The following MDN1 variants were observed in gnomAD, a reference collection of about 807,000 sequenced individuals.
MDN1 encodes midasin.
Under a neutral mutation model 669.2 loss-of-function variants are expected in MDN1, and 266 were observed. The observed-to-expected ratio is 0.40, with a 90% confidence interval of 0.36 to 0.44. The LOEUF (loss-of-function observed/expected upper bound fraction) is 0.44. MDN1 is among the 20% of genes least tolerant of loss of function. The pLI is 1.00. For missense variants in MDN1, 5,940 were observed against 6,754.0 expected (o/e 0.88, Z 4.22); for synonymous variants, 2,385 against 2,457.1 (o/e 0.97, Z 0.87).
At position 89,714,582 on chromosome 6, in the gene MDN1, G is replaced by GGAT; in HGVS notation, c.7027_7029dup (p.Ile2343dup). On this transcript the variant is annotated inframe_insertion, in exon 46 of 102. Coordinates refer to ENST00000369393, the MANE Select transcript of MDN1 (RefSeq NM_014611.3). The stretch of plus-strand genomic sequence containing the variant: ...CGGGTCTCTGTGTGTAAAGCCAAGA[G>GGAT]GATGTCACATACACTGTTCCCCACC... 1 of 1,613,686 alleles carries GGAT rather than the reference G, an allele frequency of 6.2e-7. No individual in the cohort carries two copies.
chr6:89,711,340 T>TA (rs1184005432), intron 49 of MDN1, among the ~76,000 whole-genome samples: 1 of 151,852 alleles, frequency 6.6e-6, no homozygotes, highest in Non-Finnish European at 1.5e-5. Flanking sequence ...TTCAAAAATT[T>TA]AAAAAAACAA....
chr6:89,672,262 T>C lies in MDN1; in HGVS notation c.13732A>G (p.Ile4578Val), dbSNP rs1242435956. ...TLHVQKIISAISELLERLKSY... is the reference protein window; with the variant it reads ...TLHVQKIISAVSELLERLKSY... ...TTCAGCCTCTCCAACAGCTCGGAGA[T>C]GGCAGAAATTATTTTCTGCACGTGC... is the stretch of plus-strand genomic sequence containing the variant. The change falls in exon 82 of 102, where the codon ATC becomes GTC. Residue 4578 changes from isoleucine to valine, a missense_variant. By Grantham distance (29) the Ile-to-Val change is conservative. Around this residue, in one of 5 missense-constraint regions of MDN1, gnomAD observed 2,280 missense variants for 2,576.3 expected, o/e 0.88. Transcript: ENST00000369393. The C allele has an allele frequency of 1.2e-6, 2 of 1,612,048 alleles. No individual in the cohort carries two copies. The highest frequency in any genetic ancestry group is 8.5e-7 in the Non-Finnish European group (1 of 1,179,692).
intron 52 of MDN1, among the ~76,000 whole-genome samples, chr6:89,706,624 T>C (rs143457305): frequency 6.6e-6 from 1 of 152,308 alleles, no homozygotes; most frequent in East Asian, 1.9e-4. Context: ...TTTTGGAGCA[T>C]TTCAGATTTC....
At chr6:89,744,867 G>A (rs1816509569) in intron 29 of MDN1, among the ~76,000 whole-genome samples, 1 of 152,080 alleles carries the variant, frequency 6.6e-6, no homozygotes, top group Non-Finnish European at 1.5e-5. Flanking sequence ...GGACAACAGA[G>A]TGAGACCCCA....
intron 40 of MDN1, 121 bp from the exon 41 acceptor site, chr6:89,719,346 C>G: frequency 1.4e-6 from 1 of 738,236 alleles, no homozygotes. Flanking sequence ...CCACAATTCC[C>G]TTATCCTTTT....
chr6:89,708,118 A>G (rs1260413007), intron 51 of MDN1, among the ~76,000 whole-genome samples: 1 of 152,094 alleles, frequency 6.6e-6, no homozygotes, highest in East Asian at 1.9e-4. Context: ...TCTGGGCAAC[A>G]TGGCAAAACC....
intron 19 of MDN1, 93 bp downstream of exon 19, chr6:89,758,162 A>G: frequency 1.0e-6 from 1 of 953,344 alleles, no homozygotes; most frequent in Non-Finnish European, 1.6e-6. Context: ...GGGGACTTGC[A>G]GTGAGCCAAG....
At chr6:89,775,810 C>A (rs928138397) in intron 12 of MDN1, among the ~76,000 whole-genome samples, 3 of 152,026 alleles carry the variant, frequency 2.0e-5, no homozygotes, top group Admixed American at 2.0e-4. Context: ...TTCAGCCTCC[C>A]GAGTAGCTGG....
rs764023814 is a variant in MDN1 at position 89,700,635 on chromosome 6, G to A, written c.8638+11C>T. On this transcript the variant is annotated intron_variant, in intron 56 of 101. Coordinates refer to ENST00000369393, the MANE Select transcript of MDN1 (RefSeq NM_014611.3). ...GCATCTGTCAGCTAGCCAAGTGCTA[G>A]AATATTTTACCTAGGCTGACATCTT... 216 of 1,612,114 alleles carry A rather than the reference G, an allele frequency of 1.3e-4. 1 individual carries two copies. The highest frequency in any genetic ancestry group is 1.8e-4 in the Non-Finnish European group (213 of 1,178,328).
rs575478160 is a variant in MDN1 at position 89,789,893 on chromosome 6, G to C, written c.1117C>G (p.Arg373Gly). The C allele has an allele frequency of 3.1e-6, 5 of 1,611,244 alleles. No homozygotes were observed. The African/African-American group carries it at 4.0e-5, about 13-fold the overall frequency. ...TDSKMLLGMYRCTDVPGEFVW... is the reference protein window; with the variant it reads ...TDSKMLLGMYGCTDVPGEFVW... ...AACTCTCCAGGAACATCTGTGCAGC[G>C]ATACATCCCCAAAAGCATCTGCAGA... is the stretch of plus-strand genomic sequence containing the variant. Residue 373 changes from arginine (R) to glycine (G), a missense_variant, in exon 7 of 102, where the codon CGC becomes GGC. By Grantham distance (125) the Arg-to-Gly change is moderately radical. Around this residue, in one of 5 missense-constraint regions of MDN1, gnomAD observed 1,203 missense variants for 1,268.9 expected, o/e 0.95. Coordinates refer to ENST00000369393, the MANE Select transcript of MDN1 (RefSeq NM_014611.3).
chr6:89,761,298 A>G (rs896883479), intron 17 of MDN1, among the ~76,000 whole-genome samples: 23 of 152,212 alleles, frequency 1.5e-4, no homozygotes, highest in African/African-American at 5.5e-4. Flanking sequence ...CAAAATTACT[A>G]AGGCAGTACA....
chr6:89,737,398 T>TA (rs1816044689), intron 33 of MDN1, among the ~76,000 whole-genome samples: 1 of 152,146 alleles, frequency 6.6e-6, no homozygotes, highest in Non-Finnish European at 1.5e-5. Flanking sequence ...ATCTTTTTTT[T>TA]ATATTCTTTA....
intron 57 of MDN1, 130 bp from the exon 58 acceptor site, chr6:89,699,857 TA>T: frequency 8.5e-7 from 1 of 1,171,928 alleles, no homozygotes; most frequent in Non-Finnish European, 1.2e-6. Context: ...ACTCTACTGA[TA>T]AAATTCTCGG....
At chr6:89,739,293 T>A (rs1335185847) in intron 32 of MDN1, among the ~76,000 whole-genome samples, 1 of 152,136 alleles carries the variant, frequency 6.6e-6, no homozygotes, top group Admixed American at 6.5e-5. Context: ...GATAAGATAA[T>A]CTGACAGCCA....
At chr6:89,682,776 CAAAAAAAA>C (rs1168971439) in intron 73 of MDN1, among the ~76,000 whole-genome samples, 1 of 35,284 alleles carries the variant, frequency 2.8e-5, no homozygotes, top group Non-Finnish European at 5.4e-5. Context: ...CTCATCTCTA[CAAAAAAAA>C]AAAAAAAAAA....
Position 89,758,486 on chromosome 6 carries a change from A to T in MDN1, c.2606-135T>A. On this transcript the variant is annotated intron_variant, in intron 18 of 101. Transcript: ENST00000369393. The stretch of plus-strand genomic sequence containing the variant: ...TGAAACCCCACTGAAATAACTTTCC[A>T]GACCTATGTATTCAATCTAATCTTA... The T allele has an allele frequency of 1.4e-5, 10 of 716,194 alleles. No individual in the cohort carries two copies. The South Asian group carries it at 1.9e-4, about 13-fold the overall frequency. 44.4% of individuals were successfully genotyped at this position (716,194 alleles called of 1,614,324 possible).
chr6:89,696,657 AACAG>A, intron 59 of MDN1, 83 bp from the exon 60 acceptor site: 3 of 1,053,604 alleles, frequency 2.8e-6, no homozygotes, highest in Non-Finnish European at 4.3e-6. Context: ...AGAGGAAAGA[AACAG>A]ACAGTTCAGG....
intron 88 of MDN1, among the ~76,000 whole-genome samples, chr6:89,659,725 A>G (rs1202150599): frequency 6.6e-6 from 1 of 152,236 alleles, no homozygotes; most frequent in East Asian, 1.9e-4. Context: ...CTCAATTATC[A>G]TTGTGAATAA....
Position 89,702,024 on chromosome 6 carries a change from G to A in MDN1, c.8186C>T (p.Thr2729Ile), listed in dbSNP as rs202063904. Reference protein sequence around the residue: ...GSLRWRDRFWTVADTVKVDAP... With the variant: ...GSLRWRDRFWIVADTVKVDAP... ...ATCTACTTTTACTGTGTCGGCCACA[G>A]TCCAGAACCGGTCCCGCCACCGCAG... Residue 2729 changes from threonine to isoleucine, a missense_variant, in exon 54 of 102, where the codon ACT becomes ATT. Coordinates refer to ENST00000369393, the MANE Select transcript of MDN1 (RefSeq NM_014611.3). 9 of 1,612,602 alleles carry A rather than the reference G, an allele frequency of 5.6e-6. No individual in the cohort carries two copies. Among genetic ancestry groups the A allele is most frequent in the Non-Finnish European group, 6.8e-6 (8 of 1,179,370 alleles).
Sources: gnomAD v4.1 joint callset for allele counts (sites outside exome capture counted in the v4.1 genomes callset) on GRCh38, gnomAD v4.1.1 for gene constraint, gnomAD v4.1.1 regional missense constraint, MANE v1.5 for transcripts, NCBI Gene and HGNC (gene_info 2026-07-23, HGNC 2026-07-21) for gene names.